The following HDLBP variants were observed in gnomAD, a reference collection of about 807,000 sequenced individuals.
The protein encoded by HDLBP is vigilin.
HDLBP carries 30 observed loss-of-function variants against 137.3 expected under a neutral mutation model. The observed-to-expected ratio is 0.22, with a 90% CI of 0.16 to 0.30. The LOEUF is 0.30. HDLBP is among the 10% of genes least tolerant of loss of function. The probability of loss-of-function intolerance (pLI) is 1.00; values close to 1 mark genes in which losing one functional copy is unlikely to be tolerated. For missense variants in HDLBP, 1,119 were observed against 1,667.3 expected, an observed-to-expected ratio of 0.67 and a Z score of 5.73; for synonymous variants, 606 against 596.0, an observed-to-expected ratio of 1.02 and a Z score of -0.24.
At chr2:241,254,487 T>C (rs1466770742) in intron 9 of HDLBP, among the ~76,000 whole-genome samples, 1 of 139,400 alleles carries the variant, frequency 7.2e-6, no homozygotes, top group Non-Finnish European at 1.6e-5. Context: ...CTTCAAAGTA[T>C]TTTTTTTTTT....
intron 1 of HDLBP, among the ~76,000 whole-genome samples, chr2:241,311,798 TAAAC>T (rs1419113101): frequency 3.3e-5 from 5 of 152,206 alleles, no homozygotes; most frequent in Admixed American, 3.3e-4. Context: ...AGTCATAATA[TAAAC>T]AATCAATACT....
chr2:241,242,838 G>C (rs1197652234), intron 16 of HDLBP, 160 bp from the exon 17 acceptor site: 3 of 666,636 alleles, frequency 4.5e-6, no homozygotes, highest in Non-Finnish European at 7.9e-6. Flanking sequence ...AGCCATTTTT[G>C]ACCTGCACGG....
At chr2:241,266,960 G>A (rs956653147) in intron 2 of HDLBP, 54 bp from the exon 3 acceptor site, 8 of 1,300,566 alleles carry the variant, frequency 6.2e-6, no homozygotes, top group Non-Finnish European at 7.8e-6. Context: ...AATTATCTAT[G>A]AGATTGTTAA....
chr2:241,290,687 T>G (rs547615920), intron 1 of HDLBP, among the ~76,000 whole-genome samples: 1 of 152,246 alleles, frequency 6.6e-6, no homozygotes, highest in East Asian at 1.9e-4. Flanking sequence ...GCTGGTTATA[T>G]GAGTGAGTTC....
chr2:241,275,056 T>G (rs991177208), intron 1 of HDLBP, among the ~76,000 whole-genome samples: 4 of 152,206 alleles, frequency 2.6e-5, no homozygotes, highest in African/African-American at 9.7e-5. Context: ...CTGACTATCC[T>G]GAGCTGGCAG....
chr2:241,311,141 G>GA (rs956889747), intron 1 of HDLBP, among the ~76,000 whole-genome samples: 5 of 151,012 alleles, frequency 3.3e-5, no homozygotes, highest in African/African-American at 1.2e-4. Flanking sequence ...AAAGAAAGAA[G>GA]AAAAAAAAGA....
intron 1 of HDLBP, among the ~76,000 whole-genome samples, chr2:241,286,445 C>A (rs564502766): frequency 2.6e-5 from 4 of 152,302 alleles, no homozygotes; most frequent in East Asian, 3.9e-4. Flanking sequence ...TCAGAAACTC[C>A]AAAGAATGCA....
At chr2:241,261,908 A>G (rs1410348862) in intron 5 of HDLBP, among the ~76,000 whole-genome samples, 1 of 152,172 alleles carries the variant, frequency 6.6e-6, no homozygotes, top group Non-Finnish European at 1.5e-5. Flanking sequence ...CTCCAGATCC[A>G]GCTCCCACAA....
rs1283502918 is a variant in HDLBP at position 241,228,080 on chromosome 2, A to AGAT, written c.*1518_*1520dup. 2 of 152,262 alleles carry AGAT rather than the reference A, an allele frequency of 1.3e-5. No homozygotes were observed. Among genetic ancestry groups the AGAT allele is most frequent in the Admixed American group, 1.3e-4 (2 of 15,284 alleles). The allele number at this position is 152,262 out of a possible 1,614,324, so 9.4% of individuals were successfully genotyped here. A position where few individuals can be genotyped will look rare whatever the true frequency, so the allele number is the denominator to read the frequency against. On this transcript the variant is annotated 3_prime_UTR_variant, in exon 28 of 28. Coordinates refer to ENST00000310931, the MANE Select transcript of HDLBP (RefSeq NM_005336.6). ...GGTCTACTCAAGAATTCGAGTCTGA[A>AGAT]GATGACCAAGCTTGAGTTATTCAAC... is the stretch of plus-strand genomic sequence containing the variant.
At chr2:241,302,126 C>T (rs565664390) in intron 1 of HDLBP, among the ~76,000 whole-genome samples, 1 of 152,142 alleles carries the variant, frequency 6.6e-6, no homozygotes, top group East Asian at 1.9e-4. Context: ...AGGTACAGTG[C>T]CTGTAGTATG....
At chr2:241,256,492 C>A in intron 6 of HDLBP, 93 bp from the exon 7 acceptor site, 1 of 1,492,340 alleles carries the variant, frequency 6.7e-7, no homozygotes. Flanking sequence ...AGCCCTCCAC[C>A]CCCACCACAT....
At chr2:241,290,045 T>A (rs1018132351) in intron 1 of HDLBP, among the ~76,000 whole-genome samples, 2 of 152,008 alleles carry the variant, frequency 1.3e-5, no homozygotes, top group Non-Finnish European at 1.5e-5. Context: ...AAGCAACACA[T>A]AGCATAAAAG....
At chr2:241,273,726 G>C in intron 1 of HDLBP, 15 of 935,766 alleles carry the variant, frequency 1.6e-5, no homozygotes, top group Non-Finnish European at 1.8e-5. Context: ...GAAGAGGTAG[G>C]GGCACACCCA....
At chr2:241,283,385 T>TA (rs1233841937) in intron 1 of HDLBP, among the ~76,000 whole-genome samples, 1 of 152,112 alleles carries the variant, frequency 6.6e-6, no homozygotes, top group African/African-American at 2.4e-5. Context: ...CTGATGAAAG[T>TA]AGCTGCACTA....
intron 11 of HDLBP, among the ~76,000 whole-genome samples, chr2:241,251,918 A>G (rs1461453165): frequency 6.6e-6 from 1 of 152,192 alleles, no homozygotes; most frequent in Non-Finnish European, 1.5e-5. Context: ...TGGACGTTGC[A>G]GTGAACTGAG....
At chr2:241,256,911 C>A (rs1559511270) in intron 5 of HDLBP, 105 bp from the exon 6 acceptor site, 2 of 883,780 alleles carry the variant, frequency 2.3e-6, no homozygotes, top group South Asian at 1.6e-5. Context: ...CTTATTCCTG[C>A]CCAGCAGCAC....
rs369507432 is a variant in HDLBP at position 241,236,731 on chromosome 2, C to T, written c.2788G>A (p.Glu930Lys). 33 of 1,614,030 alleles carry T rather than the reference C, an allele frequency of 2.0e-5. No homozygotes were observed. The highest frequency in any genetic ancestry group is 2.7e-5 in the Non-Finnish European group (32 of 1,180,000). Residue 930 changes from glutamate to lysine, a missense_variant, in exon 21 of 28, where the codon GAA (glutamate) becomes AAA (lysine). By Grantham distance (56) the Glu-to-Lys change is moderately conservative. Coordinates refer to ENST00000310931, the MANE Select transcript of HDLBP (RefSeq NM_005336.6). ...TTAGCCTCTCTCCCCTCCCCAGCTTCGTCCCCATTCTCCTGGACAACTGGC... is the reference window on the plus strand; with the variant it reads ...TTAGCCTCTCTCCCCTCCCCAGCTTTGTCCCCATTCTCCTGGACAACTGGC... ...TEPVVQENGDEAGEGREAKDC... is the reference protein window; with the variant it reads ...TEPVVQENGDKAGEGREAKDC...
chr2:241,277,693 G>A (rs1236449670), intron 1 of HDLBP, among the ~76,000 whole-genome samples: 2 of 152,234 alleles, frequency 1.3e-5, no homozygotes, highest in African/African-American at 4.8e-5. Flanking sequence ...CGGGCGAGGT[G>A]GCTCACGCCT....
rs543418413 is a variant in HDLBP, at chr2:241,240,185, C to A, written c.2170-63G>T. 7.9e-6 allele frequency: 12 copies of A among 1,517,794 alleles called. No individual in the cohort carries two copies. The East Asian group carries it at 2.7e-4, about 34-fold the overall frequency. The allele number at this position is 1,517,794 out of a possible 1,614,324, so 94.0% of individuals were successfully genotyped here. A position where few individuals can be genotyped will look rare whatever the true frequency, so the allele number is the denominator to read the frequency against. On this transcript the variant is annotated intron_variant, in intron 17 of 27. Coordinates refer to ENST00000310931, the MANE Select transcript of HDLBP (RefSeq NM_005336.6). This position sits in a 1 kb window ranked among gnomAD's most constrained non-coding sequence, Gnocchi z 5.5. ...CGTGCCTGGACCACAGTGAGGAAGA[C>A]AAGAGGGTCTGTAGGACAGCAAGCT...
Sources: allele counts gnomAD v4.1 joint callset (sites outside exome capture counted in the v4.1 genomes callset), GRCh38; gene constraint gnomAD v4.1.1; non-coding constraint Gnocchi (gnomAD v3.1); transcripts MANE v1.5; gene names NCBI Gene and HGNC (gene_info 2026-07-23, HGNC 2026-07-21).